LRIG1: variants seen among roughly 807,000 people sequenced by gnomAD.
LRIG1 encodes the protein leucine rich repeats and immunoglobulin like domains 1, also known as leucine-rich repeats and immunoglobulin-like domains protein 1.
LRIG1 carries 48 observed loss-of-function variants against 99.2 expected under a neutral mutation model. The ratio of observed to expected loss-of-function variants is 0.48; its 90% CI spans 0.38 to 0.62. The LOEUF (loss-of-function observed/expected upper bound fraction) is 0.62. Ranked by LOEUF, LRIG1 falls within the 20% of genes least tolerant of loss-of-function variation. LRIG1 has a pLI of 0.00. For missense variants in LRIG1, 1,646 were observed against 1,434.4 expected (o/e 1.15, Z -2.38); for synonymous variants, 772 against 596.1 (o/e 1.29, Z -4.30).
intron 1 of LRIG1, among the ~76,000 whole-genome samples, chr3:66,496,306 A>C (rs1701226846): frequency 6.6e-6 from 1 of 152,218 alleles, no homozygotes; most frequent in Non-Finnish European, 1.5e-5. Context: ...GGCGCTGGGA[A>C]TCTCTGGACA....
At chr3:66,389,180 G>A (rs1032209856) in intron 12 of LRIG1, among the ~76,000 whole-genome samples, 1 of 152,088 alleles carries the variant, frequency 6.6e-6, no homozygotes, top group Admixed American at 6.5e-5. Context: ...GTTGTAAGAT[G>A]TTAATTTTAA....
At chr3:66,454,116 C>T (rs749782288) in intron 2 of LRIG1, among the ~76,000 whole-genome samples, 2 of 152,138 alleles carry the variant, frequency 1.3e-5, no homozygotes, top group Non-Finnish European at 2.9e-5. Flanking sequence ...GCCTGACTTA[C>T]AGGGAGGACA....
intron 9 of LRIG1, among the ~76,000 whole-genome samples, chr3:66,402,021 C>T (rs1168171819): frequency 1.3e-5 from 2 of 152,172 alleles, no homozygotes; most frequent in Admixed American, 6.5e-5. Flanking sequence ...ACTGCAGGCC[C>T]GGCCCCCACA....
chr3:66,493,834 AAAGAG>A (rs1701160643), intron 1 of LRIG1, among the ~76,000 whole-genome samples: 1 of 151,540 alleles, frequency 6.6e-6, no homozygotes, highest in African/African-American at 2.4e-5. Context: ...GAAAGAAAAA[AAAGAG>A]AGAGAGAGAG....
chr3:66,499,184 A>C (rs1701295967), intron 1 of LRIG1, among the ~76,000 whole-genome samples: 1 of 120,314 alleles, frequency 8.3e-6, no homozygotes, highest in Non-Finnish European at 1.8e-5. Flanking sequence ...AAAGAAGACT[A>C]TTCTATTCTA....
intron 16 of LRIG1, among the ~76,000 whole-genome samples, chr3:66,381,964 G>T (rs1032694229): frequency 1.3e-5 from 2 of 152,202 alleles, no homozygotes; most frequent in African/African-American, 4.8e-5. Context: ...CCCCATGTAA[G>T]GAATGGGTTG....
At chr3:66,400,790 C>T (rs907333080) in intron 9 of LRIG1, among the ~76,000 whole-genome samples, 3 of 152,216 alleles carry the variant, frequency 2.0e-5, no homozygotes, top group Non-Finnish European at 4.4e-5. Flanking sequence ...CAGCCTGGGA[C>T]CTGCCCACCA....
intron 12 of LRIG1, chr3:66,388,256 G>A (rs1701478188): frequency 6.6e-6 from 1 of 151,738 alleles, no homozygotes; most frequent in South Asian, 2.1e-4. Context: ...CTTGACAGCA[G>A]AACTGAGCTG....
intron 1 of LRIG1, among the ~76,000 whole-genome samples, chr3:66,473,772 G>C (rs933401337): frequency 2.0e-4 from 30 of 152,198 alleles, no homozygotes; most frequent in African/African-American, 5.3e-4. Context: ...AAAACACACA[G>C]TTTTAAAAGG....
intron 14 of LRIG1, 122 bp from the exon 15 acceptor site, chr3:66,383,523 G>A (rs1029852754): frequency 1.1e-6 from 1 of 917,394 alleles, no homozygotes; most frequent in Non-Finnish European, 1.6e-6. Flanking sequence ...TTCTGTCTCA[G>A]AGTGGCAAGC....
intron 1 of LRIG1, among the ~76,000 whole-genome samples, chr3:66,495,757 G>C (rs1401126252): frequency 1.3e-5 from 2 of 152,164 alleles, no homozygotes; most frequent in Non-Finnish European, 2.9e-5. Context: ...CACAGCACTG[G>C]GCCAGGTGCA....
intron 3 of LRIG1, among the ~76,000 whole-genome samples, chr3:66,438,298 G>A (rs1703427871): frequency 6.6e-6 from 1 of 152,172 alleles, no homozygotes; most frequent in African/African-American, 2.4e-5. Flanking sequence ...GAGCCTGCCA[G>A]GAACCTGGGG....
chr3:66,380,944 A>G (rs1575639191), intron 17 of LRIG1, 83 bp from the exon 18 acceptor site: 5 of 1,437,968 alleles, frequency 3.5e-6, no homozygotes, highest in African/African-American at 1.4e-5. Flanking sequence ...GCTCAGCTCC[A>G]CTGTGCAAGG....
intron 2 of LRIG1, 88 bp from the exon 3 acceptor site, chr3:66,451,721 A>G (rs2106808380): frequency 1.0e-6 from 1 of 952,788 alleles, no homozygotes; most frequent in Non-Finnish European, 1.7e-6. Context: ...AAACGCTGCT[A>G]AGTCTGCCAC....
intron 9 of LRIG1, chr3:66,404,488 G>C (rs539622778): frequency 9.6e-7 from 1 of 1,046,074 alleles, no homozygotes; most frequent in African/African-American, 1.7e-5. Context: ...AAACAGGGCG[G>C]GCCAAGGGGA....
chr3:66,379,134 T>A lies in LRIG1; in HGVS notation c.*1129A>T, dbSNP rs1700874594. 6.6e-6 allele frequency: 1 copy of A among 152,620 alleles called. No individual in the cohort carries two copies. The highest frequency in any genetic ancestry group is 2.1e-4 in the South Asian group (1 of 4,826). The allele number at this position is 152,620 out of a possible 1,614,324, so 9.5% of individuals were successfully genotyped here. A position where few individuals can be genotyped will look rare whatever the true frequency, so the allele number is the denominator to read the frequency against. ...ACATTTGAAGGACCTTGTTTCTATT[T>A]AAGTTTTACTAAATGACACATTGGC... On this transcript the variant is annotated 3_prime_UTR_variant, in exon 19 of 19. Transcript: ENST00000273261.
intron 11 of LRIG1, among the ~76,000 whole-genome samples, chr3:66,395,104 T>C (rs1487433089): frequency 3.9e-5 from 6 of 152,240 alleles, no homozygotes; most frequent in African/African-American, 1.4e-4. Flanking sequence ...GCCTTGTTCC[T>C]GGAAGACCTC....
chr3:66,389,799 G>C (rs530286852), intron 12 of LRIG1, among the ~76,000 whole-genome samples: 1 of 152,250 alleles, frequency 6.6e-6, no homozygotes, highest in Non-Finnish European at 1.5e-5. Flanking sequence ...ACAACACTAT[G>C]AGGGGACTTC....
intron 12 of LRIG1, among the ~76,000 whole-genome samples, chr3:66,391,835 T>C (rs1701631867): frequency 6.6e-6 from 1 of 152,248 alleles, no homozygotes. Context: ...CTCACTCATC[T>C]AAAGTATACA....
Sources: allele counts gnomAD v4.1 joint callset (sites outside exome capture counted in the v4.1 genomes callset), GRCh38; gene constraint gnomAD v4.1.1; transcripts MANE v1.5; gene names NCBI Gene and HGNC (gene_info 2026-07-23, HGNC 2026-07-21).